NBPF11: variants seen among roughly 807,000 people sequenced by gnomAD.
The protein encoded by NBPF11 is NBPF member 11, also known as NBPF family member NBPF11.
Under a neutral mutation model 93.9 loss-of-function variants are expected in NBPF11, and 72 were observed. That is an observed-to-expected ratio of 0.77 (90% CI 0.63 to 0.93). The LOEUF (loss-of-function observed/expected upper bound fraction) is 0.93, where lower values mean the gene tolerates loss of function less well. NBPF11 is among the 40% of genes least tolerant of loss of function. The pLI, the probability that NBPF11 is intolerant of heterozygous loss-of-function variation, is 0.00. For missense variants in NBPF11, 705 were observed against 802.2 expected (o/e 0.88, Z 1.46); for synonymous variants, 224 against 304.9 (o/e 0.73, Z 2.76).
chr1:148,103,987 T>C (rs2149158141), intron 23 of NBPF11, 75 bp from the exon 24 acceptor site: 21 of 1,609,062 alleles, frequency 1.3e-5, no homozygotes, highest in South Asian at 8.8e-5. Flanking sequence ...ATTTCAGAAG[T>C]AACATAAGGA....
At chr1:148,136,053 A>T (rs1671222352) in intron 3 of NBPF11, among the ~76,000 whole-genome samples, 1 of 151,968 alleles carries the variant, frequency 6.6e-6, no homozygotes, top group Non-Finnish European at 1.5e-5. Context: ...TCCAGTTAGA[A>T]AAAATTACAT....
chr1:148,106,215 CT>C lies in NBPF11; in HGVS notation c.2268del (p.Glu757LysfsTer20). 1 of 884,794 alleles carries C rather than the reference CT, an allele frequency of 1.1e-6. No homozygotes were observed. The highest frequency in any genetic ancestry group is 1.9e-6 in the Non-Finnish European group (1 of 519,666). The allele number at this position is 884,794 out of a possible 1,614,324, so 54.8% of individuals were successfully genotyped here. On this transcript the variant is annotated frameshift_variant, in exon 21 of 24. Transcript: ENST00000682118. LOFTEE classifies it high-confidence loss of function. ...GGTGGGCCTTGGTCTTCTTCCTCTT[CT>C]TGGTCCTTTTTAATTCCTGCAATAC... ...ALDVDRIKKD[Q>X]EEEEDQGPPC... is the part of the protein sequence containing the mutation.
chr1:148,135,138 C>G, intron 4 of NBPF11: 1 of 146,658 alleles, frequency 6.8e-6, no homozygotes, highest in Non-Finnish European at 1.5e-5. Flanking sequence ...AAATGTTCCT[C>G]TGGCTCTGAT....
At chr1:148,146,108 C>G (rs1672969909) in intron 1 of NBPF11, among the ~76,000 whole-genome samples, 3 of 151,940 alleles carry the variant, frequency 2.0e-5, no homozygotes, top group South Asian at 4.1e-4. Context: ...GGGCGGGCGG[C>G]CGGGAGCCAT....
intron 1 of NBPF11, chr1:148,149,644 T>A: frequency 1.5e-6 from 2 of 1,310,800 alleles, no homozygotes; most frequent in Non-Finnish European, 2.1e-6. Context: ...ACCCAGGGGC[T>A]GCATGTGGAC....
At chr1:148,121,693 G>C (rs1254880618) in intron 9 of NBPF11, among the ~76,000 whole-genome samples, 1 of 151,954 alleles carries the variant, frequency 6.6e-6, no homozygotes, top group Non-Finnish European at 1.5e-5. Flanking sequence ...ATGAAAAGGA[G>C]AGAGAGTCTA....
At chr1:148,136,248 T>C (rs1671259856) in intron 3 of NBPF11, among the ~76,000 whole-genome samples, 1 of 151,718 alleles carries the variant, frequency 6.6e-6, no homozygotes, top group African/African-American at 2.4e-5. Context: ...TTAAAACATA[T>C]GTGCAGAAAA....
At chr1:148,146,513 A>G (rs1673108106) in intron 1 of NBPF11, 3 of 1,603,290 alleles carry the variant, frequency 1.9e-6, no homozygotes, top group African/African-American at 1.3e-5. Context: ...CTGGTGCCTG[A>G]GCCCGAGCTG....
intron 1 of NBPF11, chr1:148,146,968 G>A: frequency 1.3e-6 from 2 of 1,518,966 alleles, no homozygotes; most frequent in Middle Eastern, 1.9e-4. Flanking sequence ...ACCCAAGAGG[G>A]GACCAGGCGG....
intron 8 of NBPF11, 82 bp downstream of exon 8, chr1:148,122,647 T>C (rs201270589): frequency 9.1e-5 from 141 of 1,549,124 alleles, no homozygotes; most frequent in Non-Finnish European, 1.1e-4. Flanking sequence ...TTTTGGCCCA[T>C]CATAGATGCC....
At position 148,122,130 on chromosome 1, in the gene NBPF11, T is replaced by C. The variant is rs1195306697; in HGVS notation, c.703A>G (p.Lys235Glu). 20 of 1,613,296 alleles carry C rather than the reference T, an allele frequency of 1.2e-5. No individual in the cohort carries two copies. The highest frequency in any genetic ancestry group is 5.4e-5 in the African/African-American group (4 of 74,716). Residue 235 changes from lysine (K) to glutamate (E), a missense_variant, in exon 9 of 24, where the codon AAA (lysine) becomes GAA (glutamate). Transcript: ENST00000682118. Reference protein sequence around the residue: ...KNIKITFEEDKVNSSLVVDRE... With the variant: ...KNIKITFEEDEVNSSLVVDRE... ...TCTACAACCAGAGATGAGTTGACTT[T>C]GTCTTCCTCAAATGTGATTTTGATG...
rs1666598292 is a variant in NBPF11 at position 148,116,537 on chromosome 1, TG to T, written c.1307-3del. On this transcript the variant is annotated splice_polypyrimidine_tract_variant and splice_region_variant and intron_variant, in intron 12 of 23. Transcript: ENST00000682118. Reference sequence around the variant, plus strand: ...CTTCATCGTCATCGTTATCATTTTCTGTAAATACAGAAGTGTTCATTCAGAT... The same window carrying T: ...CTTCATCGTCATCGTTATCATTTTCTTAAATACAGAAGTGTTCATTCAGAT... 1 of 693,066 alleles carries T rather than the reference TG, an allele frequency of 1.4e-6. No homozygotes were observed. The allele number at this position is 693,066 out of a possible 1,614,324, so 42.9% of individuals were successfully genotyped here.
intron 4 of NBPF11, among the ~76,000 whole-genome samples, chr1:148,132,570 A>G (rs1224519615): frequency 1.3e-5 from 2 of 149,778 alleles, no homozygotes; most frequent in Admixed American, 6.7e-5. Context: ...GGATCTGGAG[A>G]TCAATTTACG....
At chr1:148,129,003 G>A (rs1489057636) in intron 4 of NBPF11, among the ~76,000 whole-genome samples, 1 of 148,668 alleles carries the variant, frequency 6.7e-6, no homozygotes, top group Non-Finnish European at 1.5e-5. Flanking sequence ...CTGTCATGGG[G>A]TGAGGGCTGG....
rs1667584804 is a variant in NBPF11 at position 148,120,534 on chromosome 1, C to T, written c.955G>A (p.Ala319Thr). 3.1e-6 allele frequency: 3 copies of T among 958,278 alleles called. No individual in the cohort carries two copies. The highest frequency in any genetic ancestry group is 2.4e-5 in the East Asian group (1 of 42,048). 59.4% of individuals were successfully genotyped at this position (958,278 alleles called of 1,614,324 possible). A position where few individuals can be genotyped will look rare whatever the true frequency, so the allele number is the denominator to read the frequency against. Residue 319 changes from alanine to threonine, a missense_variant, in exon 10 of 24, where the codon GCC (alanine) becomes ACC (threonine). Transcript: ENST00000682118. ...TTCTGCTGCTTGGCCAGGAAGCAGG[C>T]CACTTGAGTTACAAAACATTTCTCT... The part of the protein sequence containing the change: ...LKEKCFVTQV[A>T]CFLAKQQNKY...
In NBPF11 at chr1:148,136,110, C is replaced by T. The variant is rs1288086405; in HGVS notation, c.-177-297G>A. On this transcript the variant is annotated intron_variant, in intron 3 of 23. Coordinates refer to ENST00000682118, the MANE Select transcript of NBPF11 (RefSeq NM_001385469.3). ...GAAGTAGCGAAAGCTTTCTCACCTT[C>T]ATACATTAATGGTTGGAATGTACAA... Among the ~76,000 whole-genome samples the T allele has an allele frequency of 8.0e-3, 1,223 of 152,078 alleles. 40 individuals carry two copies. The highest frequency in any genetic ancestry group is 0.028 in the African/African-American group (1,147 of 41,358).
chr1:148,149,177 G>C, intron 1 of NBPF11: 1 of 1,589,556 alleles, frequency 6.3e-7, no homozygotes, highest in Non-Finnish European at 8.5e-7. Context: ...CATCAGCCCG[G>C]ACAGCATCAT....
intron 11 of NBPF11, among the ~76,000 whole-genome samples, chr1:148,118,155 A>G (rs1667001226): frequency 1.4e-5 from 2 of 145,342 alleles, no homozygotes; most frequent in Non-Finnish European, 3.0e-5. Context: ...AAAGCCATGT[A>G]CAGAAATGAG....
At chr1:148,108,842 GACACACACACACACACACACACAC>G (rs71270029) in intron 17 of NBPF11, among the ~76,000 whole-genome samples, 188 bp from the exon 18 acceptor site, 12 of 112,890 alleles carry the variant, frequency 1.1e-4, no homozygotes, top group South Asian at 1.0e-3. Flanking sequence ...GAAAGAGAAA[GACACACACACACACACACACACAC>G]ACACACACAC....
Sources: allele counts gnomAD v4.1 joint callset (sites outside exome capture counted in the v4.1 genomes callset), GRCh38; gene constraint gnomAD v4.1.1; transcripts MANE v1.5; gene names NCBI Gene and HGNC (gene_info 2026-07-23, HGNC 2026-07-21).